Variants in ZNF254 observed in about 807,000 individuals in gnomAD.
The protein encoded by ZNF254 is zinc finger protein 254.
ZNF254 carries 10 observed loss-of-function variants against 12.4 expected under a neutral mutation model. The observed-to-expected ratio is 0.80, with a 90% CI of 0.50 to 1.36. The LOEUF (loss-of-function observed/expected upper bound fraction) is 1.36. Among genes scored for constraint, ZNF254 ranks in the 40% most tolerant of loss-of-function variants. The pLI, the probability that ZNF254 is intolerant of heterozygous loss-of-function variation, is 0.00. For missense variants in ZNF254, 996 were observed against 763.9 expected (o/e 1.30, Z -3.58); for synonymous variants, 305 against 253.4 (o/e 1.20, Z -1.93).
chr19:24,037,203 TTCTG>T (rs961082608), intron 1 of ZNF254, among the ~76,000 whole-genome samples: 1 of 152,194 alleles, frequency 6.6e-6, no homozygotes, highest in Non-Finnish European at 1.5e-5. Flanking sequence ...CCTTTCCCTC[TTCTG>T]TCTTTTGCTT....
chr19:24,056,452 G>A (rs1970858820), intron 2 of ZNF254, among the ~76,000 whole-genome samples: 1 of 152,114 alleles, frequency 6.6e-6, no homozygotes. Context: ...AAGTTCTGCT[G>A]GCAAGGGAGA....
At position 24,126,260 on chromosome 19, in the gene ZNF254, G is replaced by T; in HGVS notation, c.260G>T (p.Cys87Phe). The T allele has an allele frequency of 1.4e-6, 2 of 1,477,222 alleles. No homozygotes were observed. The highest frequency in any genetic ancestry group is 2.3e-5 in the East Asian group (1 of 42,666). 91.5% of individuals were successfully genotyped at this position (1,477,222 alleles called of 1,614,324 possible). A position where few individuals can be genotyped will look rare whatever the true frequency, so the allele number is the denominator to read the frequency against. The change falls in exon 4 of 4, where the codon TGT becomes TTT. Residue 87 changes from cysteine to phenylalanine, a missense_variant. Coordinates refer to ENST00000357002, the MANE Select transcript of ZNF254 (RefSeq NM_203282.4). The stretch of plus-strand genomic sequence containing the variant: ...ATTTTTATTTTTTTTTCAGGTATGT[G>T]TCCTCATTTTGCTCAAGACCTTTGG... Reference protein sequence around the residue: ...HEMVDEPPGMCPHFAQDLWPE... With the variant: ...HEMVDEPPGMFPHFAQDLWPE...
At chr19:24,051,367 C>G (rs530554013) in intron 2 of ZNF254, among the ~76,000 whole-genome samples, 6 of 151,466 alleles carry the variant, frequency 4.0e-5, no homozygotes, top group Admixed American at 3.9e-4. Context: ...ACCATGTTGG[C>G]CAGGCTGGTC....
At position 24,129,259 on chromosome 19, in the gene ZNF254, A is replaced by G. The variant is rs544516772; in HGVS notation, c.*1279A>G. 3 of 152,184 alleles carry G rather than the reference A, an allele frequency of 2.0e-5. No individual in the cohort carries two copies. Among genetic ancestry groups the G allele is most frequent in the East Asian group, 3.9e-4 (2 of 5,188 alleles). The allele number at this position is 152,184 out of a possible 1,614,324, so 9.4% of individuals were successfully genotyped here. On this transcript the variant is annotated 3_prime_UTR_variant, in exon 4 of 4. Coordinates refer to ENST00000357002, the MANE Select transcript of ZNF254 (RefSeq NM_203282.4). ...ATGTTATTTTATTAATTGTACTTCT[A>G]TGAAATAATATGCAGTCTATTTTTA...
In ZNF254 at chr19:24,127,986, G is replaced by A; in HGVS notation, c.*6G>A. 2 of 1,534,920 alleles carry A rather than the reference G, an allele frequency of 1.3e-6. No homozygotes were observed. Among genetic ancestry groups the A allele is most frequent in the Non-Finnish European group, 1.7e-6 (2 of 1,147,722 alleles). ...GAGAAATCTTACAAGTATGAATAAT[G>A]TGCCAAAGCCTAAGAAAACCCTCAA... On this transcript the variant is annotated 3_prime_UTR_variant, in exon 4 of 4. Transcript: ENST00000357002.
chr19:24,087,913 T>G (rs904618355), intron 1 of ZNF254, among the ~76,000 whole-genome samples: 11 of 151,014 alleles, frequency 7.3e-5, no homozygotes, highest in African/African-American at 7.3e-5. Flanking sequence ...GTCGTTTTTT[T>G]TTTTTTTTTT....
At chr19:24,049,230 T>TTTTA (rs1555751754) in intron 2 of ZNF254, among the ~76,000 whole-genome samples, 6 of 121,138 alleles carry the variant, frequency 5.0e-5, no homozygotes, top group East Asian at 2.5e-4. Flanking sequence ...TTTTTTTTTT[T>TTTTA]AATTTATTTA....
chr19:24,052,526 C>T (rs1308137013), intron 2 of ZNF254, among the ~76,000 whole-genome samples: 2 of 152,142 alleles, frequency 1.3e-5, no homozygotes, highest in African/African-American at 2.4e-5. Flanking sequence ...GGCAAATCAC[C>T]GGTCTCAGCA....
intron 2 of ZNF254, among the ~76,000 whole-genome samples, chr19:24,065,135 A>G (rs1166813968): frequency 1.3e-5 from 2 of 152,124 alleles, no homozygotes; most frequent in East Asian, 1.9e-4. Context: ...GGGCCTTGGA[A>G]TATATTTTTT....
intron 3 of ZNF254, among the ~76,000 whole-genome samples, chr19:24,116,447 C>T (rs1350136809): frequency 1.8e-4 from 27 of 152,026 alleles, no homozygotes; most frequent in Admixed American, 1.8e-3. Flanking sequence ...TCATTCATTT[C>T]ATCTTCTGTC....
intron 2 of ZNF254, among the ~76,000 whole-genome samples, chr19:24,071,183 C>T (rs1971467299): frequency 6.6e-6 from 1 of 152,100 alleles, no homozygotes; most frequent in Non-Finnish European, 1.5e-5. Flanking sequence ...TAGGCTTTTC[C>T]CTAAGAGACA....
At chr19:24,082,235 G>A (rs930652269), upstream of ZNF254, among the ~76,000 whole-genome samples, 1 of 151,648 alleles carries the variant, frequency 6.6e-6, no homozygotes, top group African/African-American at 2.4e-5. Flanking sequence ...TAAAAACATT[G>A]TAACTATGGT....
At chr19:24,094,195 A>C (rs896411343) in intron 1 of ZNF254, among the ~76,000 whole-genome samples, 1 of 152,126 alleles carries the variant, frequency 6.6e-6, no homozygotes, top group African/African-American at 2.4e-5. Context: ...TTCCAGATGG[A>C]GAATTATGTT....
Position 24,126,263 on chromosome 19 carries a change from C to A in ZNF254, c.263C>A (p.Pro88His). ...EMVDEPPGMC[P>H]HFAQDLWPEQ... Reference sequence around the variant, plus strand: ...TTTATTTTTTTTTCAGGTATGTGTCCTCATTTTGCTCAAGACCTTTGGCCA... The same window carrying A: ...TTTATTTTTTTTTCAGGTATGTGTCATCATTTTGCTCAAGACCTTTGGCCA... The change falls in exon 4 of 4, where the codon CCT becomes CAT. Residue 88 changes from proline (P) to histidine (H), a missense_variant. By Grantham distance (77) the Pro-to-His change is moderately conservative. Coordinates refer to ENST00000357002, the MANE Select transcript of ZNF254 (RefSeq NM_203282.4). The A allele has an allele frequency of 2.0e-6, 3 of 1,472,900 alleles. No homozygotes were observed. Among genetic ancestry groups the A allele is most frequent in the South Asian group, 3.2e-5 (2 of 62,508 alleles). 91.2% of individuals were successfully genotyped at this position (1,472,900 alleles called of 1,614,324 possible). A position where few individuals can be genotyped will look rare whatever the true frequency, so the allele number is the denominator to read the frequency against.
chr19:24,116,099 T>G (rs1974050545), intron 3 of ZNF254, among the ~76,000 whole-genome samples: 1 of 152,178 alleles, frequency 6.6e-6, no homozygotes, highest in Non-Finnish European at 1.5e-5. Context: ...TTGTGGGTAG[T>G]CCGACCTTTC....
upstream of ZNF254, among the ~76,000 whole-genome samples, chr19:24,085,408 G>GTATATATATATATATATATA (rs377541868): frequency 0.042 from 1,386 of 32,686 alleles, 178 homozygotes; most frequent in Non-Finnish European, 0.055. Context: ...TTTGTTAAGG[G>GTATATATATATATATATATA]TATATATATA....
chr19:24,116,027 ACT>A (rs1974044663), intron 3 of ZNF254, among the ~76,000 whole-genome samples: 1 of 151,856 alleles, frequency 6.6e-6, no homozygotes, highest in African/African-American at 2.4e-5. Context: ...ATTGGCCCCC[ACT>A]CTCTTCTGGC....
chr19:24,113,791 G>T (rs1973858037), intron 3 of ZNF254, among the ~76,000 whole-genome samples: 1 of 152,114 alleles, frequency 6.6e-6, no homozygotes, highest in Non-Finnish European at 1.5e-5. Context: ...AAACCCCATT[G>T]TCTCAACCCA....
intron 3 of ZNF254, among the ~76,000 whole-genome samples, chr19:24,124,990 G>C (rs1157969159): frequency 6.6e-6 from 1 of 151,760 alleles, no homozygotes; most frequent in East Asian, 1.9e-4. Flanking sequence ...TTGCCATGTT[G>C]GTCAGGTTGG....
Sources: gnomAD v4.1 joint callset for allele counts (sites outside exome capture counted in the v4.1 genomes callset) on GRCh38, gnomAD v4.1.1 for gene constraint, MANE v1.5 for transcripts, NCBI Gene and HGNC (gene_info 2026-07-23, HGNC 2026-07-21) for gene names.